RAB3GAP2: variants seen among roughly 807,000 people sequenced by gnomAD.
The protein encoded by RAB3GAP2 is rab3 GTPase-activating protein non-catalytic subunit.
Under a neutral mutation model 185.3 loss-of-function variants are expected in RAB3GAP2, and 87 were observed. The ratio of observed to expected loss-of-function variants is 0.47; its 90% CI spans 0.39 to 0.56. The LOEUF (loss-of-function observed/expected upper bound fraction) is 0.56. Ranked by LOEUF, RAB3GAP2 falls within the 20% of genes least tolerant of loss-of-function variation. The pLI, the probability that RAB3GAP2 is intolerant of heterozygous loss-of-function variation, is 0.00. For synonymous variants in RAB3GAP2, 554 were observed against 576.1 expected, an observed-to-expected ratio of 0.96 and a Z score of 0.55; for missense variants, 1,492 against 1,638.2, an observed-to-expected ratio of 0.91 and a Z score of 1.54.
At chr1:220,191,323 T>C (rs762300949) in intron 13 of RAB3GAP2, 39 bp from the exon 14 acceptor site, 2 of 1,174,710 alleles carry the variant, frequency 1.7e-6, no homozygotes, top group African/African-American at 3.8e-5. Context: ...TTACTTAATC[T>C]AGGTTCCATA....
chr1:220,246,997 C>T (rs980124876), intron 1 of RAB3GAP2, among the ~76,000 whole-genome samples: 1 of 152,020 alleles, frequency 6.6e-6, no homozygotes, highest in African/African-American at 2.4e-5. Context: ...CCAACAAATA[C>T]ATAAAAATTG....
chr1:220,154,689 T>C (rs1657824730), intron 31 of RAB3GAP2, among the ~76,000 whole-genome samples: 1 of 151,372 alleles, frequency 6.6e-6, no homozygotes, highest in South Asian at 2.1e-4. Flanking sequence ...TCCGCAGTAA[T>C]AGCTAAGTAA....
At position 220,213,789 on chromosome 1, in the gene RAB3GAP2, C is replaced by T. The variant is rs1472150432; in HGVS notation, c.304+67G>A. ...AATAAAAAGCATTATATTCTTTTCA[C>T]CTAATCCATTTTCTCTTCTATCCAA... On this transcript the variant is annotated intron_variant, in intron 3 of 34. Coordinates refer to ENST00000358951, the MANE Select transcript of RAB3GAP2 (RefSeq NM_012414.4). 1.0e-5 allele frequency: 15 copies of T among 1,503,436 alleles called. No homozygotes were observed. In the East Asian group the frequency reaches 2.5e-4, roughly 25 times the overall value. 93.1% of individuals were successfully genotyped at this position (1,503,436 alleles called of 1,614,324 possible).
chr1:220,214,975 T>TATATATATATATATAC (rs1360144410), intron 2 of RAB3GAP2, among the ~76,000 whole-genome samples: 1 of 144,806 alleles, frequency 6.9e-6, no homozygotes. Context: ...TATATATATA[T>TATATATATATATATAC]ACTTCTATAC....
intron 1 of RAB3GAP2, among the ~76,000 whole-genome samples, chr1:220,251,412 G>A (rs948984166): frequency 1.3e-5 from 2 of 152,070 alleles, no homozygotes; most frequent in African/African-American, 2.4e-5. Context: ...ATAAACACAG[G>A]ATATGATAAA....
In RAB3GAP2 at chr1:220,185,642, C is replaced by G; in HGVS notation, c.1870+9G>C. 6.3e-7 allele frequency: 1 copy of G among 1,592,652 alleles called. No individual in the cohort carries two copies. The highest frequency in any genetic ancestry group is 8.6e-7 in the Non-Finnish European group (1 of 1,161,018). On this transcript the variant is annotated intron_variant, in intron 18 of 34. Transcript: ENST00000358951. ...GAACATAACCTCCAATCAGTACAAA[C>G]CCTATTACCTTGACTTTTTAAAGTG...
Position 220,267,613 on chromosome 1 carries a change from G to A in RAB3GAP2, c.115+4610C>T, listed in dbSNP as rs898697325. 3.6e-5 allele frequency: 50 copies of A among 1,372,794 alleles called. No individual in the cohort carries two copies. The Admixed American group carries it at 3.7e-4, about 10-fold the overall frequency. 85.0% of individuals were successfully genotyped at this position (1,372,794 alleles called of 1,614,324 possible). A position where few individuals can be genotyped will look rare whatever the true frequency, so the allele number is the denominator to read the frequency against. The stretch of plus-strand genomic sequence containing the variant: ...GGATTATTTTCAGGTGCCGACAGCG[G>A]GGACTGCTTGCTGTTTTGGGTGTTA... On this transcript the variant is annotated intron_variant, in intron 1 of 34. Transcript: ENST00000358951.
At chr1:220,242,890 G>A (rs1372190283) in intron 1 of RAB3GAP2, among the ~76,000 whole-genome samples, 1 of 152,112 alleles carries the variant, frequency 6.6e-6, no homozygotes, top group East Asian at 1.9e-4. Context: ...GCCTACATGT[G>A]ACATTTAATT....
intron 1 of RAB3GAP2, among the ~76,000 whole-genome samples, chr1:220,255,711 A>T (rs1260342182): frequency 1.3e-5 from 2 of 152,214 alleles, no homozygotes; most frequent in Non-Finnish European, 2.9e-5. Flanking sequence ...CTGAAATAAG[A>T]CAGTCAGACA....
intron 21 of RAB3GAP2, among the ~76,000 whole-genome samples, chr1:220,176,921 A>G (rs992884806): frequency 2.0e-5 from 3 of 152,260 alleles, no homozygotes; most frequent in African/African-American, 7.2e-5. Context: ...GCAGTTGAGG[A>G]ATTACCTCAC....
intron 1 of RAB3GAP2, among the ~76,000 whole-genome samples, chr1:220,248,438 T>C (rs534717250): frequency 6.6e-5 from 10 of 152,256 alleles, no homozygotes; most frequent in African/African-American, 1.9e-4. Flanking sequence ...CAAATCATCA[T>C]GTTGCACACC....
chr1:220,175,781 A>T (rs571323928), intron 21 of RAB3GAP2, among the ~76,000 whole-genome samples: 1 of 152,326 alleles, frequency 6.6e-6, no homozygotes, highest in South Asian at 2.1e-4. Context: ...TGCTCTGCTT[A>T]ACTTTGCTTC....
intron 31 of RAB3GAP2, chr1:220,154,363 G>T: frequency 3.4e-6 from 1 of 292,556 alleles, no homozygotes; most frequent in Non-Finnish European, 6.5e-6. Context: ...CCAAGACCAC[G>T]TTCCAAAAGA....
Position 220,172,617 on chromosome 1 carries a change from G to C in RAB3GAP2, c.2416+20C>G. The C allele has an allele frequency of 6.6e-7, 1 of 1,520,822 alleles. No individual in the cohort carries two copies. The highest frequency in any genetic ancestry group is 1.1e-5 in the South Asian group (1 of 89,234). 94.2% of individuals were successfully genotyped at this position (1,520,822 alleles called of 1,614,324 possible). On this transcript the variant is annotated intron_variant, in intron 22 of 34. Transcript: ENST00000358951. ...TTCAAACACGAAACTTTGTTGACGA[G>C]AGCAACAAACTTTGTTTACCTTTCA...
rs765618720 is a variant in RAB3GAP2 at position 220,213,929 on chromosome 1, A to G, written c.231T>C (p.Asp77=). Residue 77 remains aspartate (D), a synonymous_variant, in exon 3 of 35, where the codon GAT becomes GAC. Coordinates refer to ENST00000358951, the MANE Select transcript of RAB3GAP2 (RefSeq NM_012414.4). ...CKTQKTSWLQ[D]CVLSLSPTND... is the part of the protein sequence containing the mutation. ...TGGTTGGAGATAAGGATAAAACACA[A>G]TCTTGGAGCCAGGAAGTTTTTTGTG... The G allele has an allele frequency of 1.9e-6, 3 of 1,613,046 alleles. No homozygotes were observed. In the South Asian group the frequency reaches 3.3e-5, roughly 18 times the overall value.
intron 1 of RAB3GAP2, chr1:220,253,922 C>G: frequency 6.2e-7 from 1 of 1,613,660 alleles, no homozygotes; most frequent in East Asian, 2.2e-5. Context: ...CAGAAAACAC[C>G]TGGAAATGGA....
intron 4 of RAB3GAP2, among the ~76,000 whole-genome samples, chr1:220,212,653 C>T (rs1283740243): frequency 6.6e-6 from 1 of 152,076 alleles, no homozygotes; most frequent in East Asian, 1.9e-4. Context: ...GCATCACATC[C>T]AGCTAATTTT....
intron 8 of RAB3GAP2, 46 bp from the exon 9 acceptor site, chr1:220,202,420 T>C (rs373523313): frequency 1.4e-4 from 219 of 1,580,774 alleles, no homozygotes; most frequent in Non-Finnish European, 1.4e-4. Context: ...ATGGATAAAA[T>C]GAAGTTTTAC....
chr1:220,249,878 C>G (rs916490731), intron 1 of RAB3GAP2, among the ~76,000 whole-genome samples: 5 of 152,202 alleles, frequency 3.3e-5, no homozygotes, highest in Admixed American at 2.6e-4. Flanking sequence ...AAATCAAGAA[C>G]TGAGGTTGAG....
Sources: gnomAD v4.1 joint callset for allele counts (sites outside exome capture counted in the v4.1 genomes callset) on GRCh38, gnomAD v4.1.1 for gene constraint, MANE v1.5 for transcripts, NCBI Gene and HGNC (gene_info 2026-07-23, HGNC 2026-07-21) for gene names.